TANC2: variants seen among roughly 807,000 people sequenced by gnomAD.
The protein encoded by TANC2 is protein TANC2.
In TANC2, 26 loss-of-function variants were observed where a neutral mutation model predicts 210.5. The ratio of observed to expected loss-of-function variants is 0.12; its 90% CI spans 0.09 to 0.17. TANC2 has a LOEUF of 0.17. Ranked by LOEUF, TANC2 falls within the 10% of genes least tolerant of loss-of-function variation. The pLI, the probability that TANC2 is intolerant of heterozygous loss-of-function variation, is 1.00. For missense variants in TANC2, 2,129 were observed against 2,608.9 expected (o/e 0.82, Z 4.01); for synonymous variants, 931 against 967.1 (o/e 0.96, Z 0.69).
At chr17:63,054,426 T>C (rs1287521289) in intron 2 of TANC2, among the ~76,000 whole-genome samples, 3 of 152,118 alleles carry the variant, frequency 2.0e-5, no homozygotes, top group Non-Finnish European at 2.9e-5. Context: ...GGCTGGAGTA[T>C]AGTGGCGCGA....
chr17:63,271,382 C>T (rs1215060241), intron 9 of TANC2, among the ~76,000 whole-genome samples: 5 of 151,340 alleles, frequency 3.3e-5, no homozygotes, highest in Admixed American at 2.6e-4. Context: ...GACGGTATCT[C>T]ACTGTGCTTT....
In TANC2 at chr17:63,412,607, C is replaced by CT. The variant is rs34592714; in HGVS notation, c.3899-60dup. The stretch of plus-strand genomic sequence containing the variant: ...TGCCTCTCACTGCTGCTTTTTCCTT[C>CT]TTTTTTTTTTTTTCACCTTCATCCA... On this transcript the variant is annotated intron_variant, in intron 23 of 27. Transcript: ENST00000689528. The surrounding 1 kb of genome is among the most constrained non-coding windows in gnomAD (Gnocchi z 4.2). 0.037 allele frequency: 40,850 copies of CT among 1,109,342 alleles called. 8 individuals carry two copies. Among genetic ancestry groups the CT allele is most frequent in the Non-Finnish European group, 0.041 (32,336 of 797,690 alleles). The allele number at this position is 1,109,342 out of a possible 1,614,324, so 68.7% of individuals were successfully genotyped here. A position where few individuals can be genotyped will look rare whatever the true frequency, so the allele number is the denominator to read the frequency against.
intron 14 of TANC2, among the ~76,000 whole-genome samples, chr17:63,361,196 A>AG (rs1346523389): frequency 6.6e-6 from 1 of 152,204 alleles, no homozygotes; most frequent in Non-Finnish European, 1.5e-5. Context: ...GTAGTGTCAC[A>AG]GGATCTTTGG....
At chr17:62,975,563 T>A (rs1322016896) in intron 1 of TANC2, among the ~76,000 whole-genome samples, 1 of 151,636 alleles carries the variant, frequency 6.6e-6, no homozygotes, top group Non-Finnish European at 1.5e-5. Context: ...TAATTTTTTT[T>A]TTTTTTTAAT....
chr17:63,052,484 T>C lies in TANC2; in HGVS notation c.68-21459T>C, dbSNP rs145398829. Among the ~76,000 whole-genome samples the C allele has an allele frequency of 1.9e-3, 289 of 152,278 alleles. 1 individual carries two copies. Among genetic ancestry groups the C allele is most frequent in the African/African-American group, 6.3e-3 (260 of 41,564 alleles). On this transcript the variant is annotated intron_variant, in intron 2 of 27. Transcript: ENST00000689528. Reference sequence around the variant, plus strand: ...AATATGTTTGCTTTTTGAATGTCATTGAGTAGTTTGGTGCTACCATAGTAT... The same window carrying C: ...AATATGTTTGCTTTTTGAATGTCATCGAGTAGTTTGGTGCTACCATAGTAT...
At chr17:63,315,825 A>G (rs942049295) in intron 10 of TANC2, among the ~76,000 whole-genome samples, 2 of 152,226 alleles carry the variant, frequency 1.3e-5, no homozygotes, top group African/African-American at 4.8e-5. Flanking sequence ...AAACTTATGG[A>G]TGTCTAACGT....
chr17:63,391,355 T>A (rs554587210), intron 17 of TANC2: 1 of 152,312 alleles, frequency 6.6e-6, no homozygotes, highest in East Asian at 1.9e-4. Context: ...AGGCAACTCA[T>A]TAAAATGATA....
At chr17:63,334,777 C>G (rs777779104) in intron 11 of TANC2, among the ~76,000 whole-genome samples, 1 of 152,146 alleles carries the variant, frequency 6.6e-6, no homozygotes, top group Non-Finnish European at 1.5e-5. Flanking sequence ...GCCATTCTTG[C>G]ATTGCTATAA....
At chr17:63,039,265 A>T (rs1417996104) in intron 2 of TANC2, among the ~76,000 whole-genome samples, 1 of 152,080 alleles carries the variant, frequency 6.6e-6, no homozygotes, top group South Asian at 2.1e-4. Context: ...TCTTTTGGTG[A>T]TTGTCCTTCT....
At chr17:63,251,212 A>G (rs1018980285) in intron 8 of TANC2, among the ~76,000 whole-genome samples, 33 of 152,212 alleles carry the variant, frequency 2.2e-4, no homozygotes. Flanking sequence ...ACAGCAGTAT[A>G]TATTTATGTG....
At chr17:63,410,486 G>A (rs1048109686) in intron 21 of TANC2, among the ~76,000 whole-genome samples, 4 of 152,030 alleles carry the variant, frequency 2.6e-5, no homozygotes, top group African/African-American at 9.7e-5. Flanking sequence ...GGAGGGAGAA[G>A]GGGCCCTGGC....
intron 1 of TANC2, among the ~76,000 whole-genome samples, chr17:63,003,254 C>A (rs1014346609): frequency 4.6e-5 from 7 of 152,110 alleles, no homozygotes; most frequent in Admixed American, 6.5e-5. Flanking sequence ...ATTTATATAT[C>A]TACTTTTTGA....
At chr17:63,116,933 T>TA (rs2038274317) in intron 4 of TANC2, 1 of 152,196 alleles carries the variant, frequency 6.6e-6, no homozygotes, top group African/African-American at 2.4e-5. Flanking sequence ...GCCTACTAAG[T>TA]AACTGTTTTA....
intron 5 of TANC2, among the ~76,000 whole-genome samples, chr17:63,156,133 T>G (rs2039828613): frequency 6.6e-6 from 1 of 152,204 alleles, no homozygotes; most frequent in Non-Finnish European, 1.5e-5. Context: ...TCTGTATGAT[T>G]TTGCATTGTC....
chr17:63,243,182 A>G (rs906164748), intron 8 of TANC2, among the ~76,000 whole-genome samples: 1 of 152,224 alleles, frequency 6.6e-6, no homozygotes, highest in Non-Finnish European at 1.5e-5. Context: ...CCACAAAATT[A>G]AAAGAAATGG....
At chr17:62,974,702 G>C (rs1262508036) in intron 1 of TANC2, among the ~76,000 whole-genome samples, 1 of 152,130 alleles carries the variant, frequency 6.6e-6, no homozygotes. Context: ...GAAAAATATA[G>C]TTCAAAAACA....
At chr17:63,399,506 A>G (rs1372212320) in intron 19 of TANC2, among the ~76,000 whole-genome samples, 2 of 152,238 alleles carry the variant, frequency 1.3e-5, no homozygotes, top group Admixed American at 6.5e-5. Context: ...ATGCAAACAG[A>G]AGCCTCTTCC....
At chr17:62,987,300 G>A (rs118037744) in intron 1 of TANC2, among the ~76,000 whole-genome samples, 2,770 of 152,226 alleles carry the variant, frequency 0.018, 30 homozygotes, top group Non-Finnish European at 0.028. Context: ...TAAAGATGGA[G>A]CCCCCGTGCT....
At chr17:63,153,522 C>T (rs1027504723) in intron 5 of TANC2, 3 of 152,110 alleles carry the variant, frequency 2.0e-5, no homozygotes, top group African/African-American at 7.2e-5. Context: ...GATTGGTGGG[C>T]CCCCAGAATT....
Sources: allele counts gnomAD v4.1 joint callset (sites outside exome capture counted in the v4.1 genomes callset), GRCh38; gene constraint gnomAD v4.1.1; non-coding constraint Gnocchi (gnomAD v3.1); transcripts MANE v1.5; gene names NCBI Gene and HGNC (gene_info 2026-07-23, HGNC 2026-07-21).